The following NCOA6 variants were observed in gnomAD, a reference collection of about 807,000 sequenced individuals.
The protein encoded by NCOA6 is nuclear receptor coactivator 6.
In NCOA6, 49 loss-of-function variants were observed where a neutral mutation model predicts 171.4. The observed-to-expected ratio is 0.29, with a 90% CI of 0.23 to 0.36. The LOEUF (loss-of-function observed/expected upper bound fraction) is 0.36. NCOA6 is among the 10% of genes least tolerant of loss of function. The probability of loss-of-function intolerance (pLI) is 1.00; values close to 1 mark genes in which losing one functional copy is unlikely to be tolerated. For missense variants in NCOA6, 2,248 were observed against 2,554.5 expected (o/e 0.88, Z 2.59); for synonymous variants, 910 against 927.5 (o/e 0.98, Z 0.34).
intron 2 of NCOA6, among the ~76,000 whole-genome samples, chr20:34,789,692 G>A (rs1449281174): frequency 6.6e-6 from 1 of 152,116 alleles, no homozygotes; most frequent in Non-Finnish European, 1.5e-5. Context: ...ACAATCCCTT[G>A]AGCCTGAGGG....
At chr20:34,762,681 A>T (rs1418163953) in intron 5 of NCOA6, among the ~76,000 whole-genome samples, 1 of 152,130 alleles carries the variant, frequency 6.6e-6, no homozygotes, top group Non-Finnish European at 1.5e-5. Context: ...TAAATAAGTC[A>T]ATGCTTATTT....
intron 1 of NCOA6, among the ~76,000 whole-genome samples, chr20:34,814,000 A>G (rs2078753271): frequency 6.6e-6 from 1 of 152,172 alleles, no homozygotes; most frequent in African/African-American, 2.4e-5. Context: ...GGAAGAAAAA[A>G]GATTTATAAA....
chr20:34,801,207 C>G (rs2078243431), intron 1 of NCOA6, among the ~76,000 whole-genome samples: 1 of 151,876 alleles, frequency 6.6e-6, no homozygotes, highest in Non-Finnish European at 1.5e-5. Context: ...ACAGTGAAAG[C>G]AGGACTAAGA....
intron 1 of NCOA6, among the ~76,000 whole-genome samples, chr20:34,811,201 G>GTATGTATATATATATATA (rs1244311939): frequency 3.7e-4 from 20 of 53,836 alleles, no homozygotes; most frequent in South Asian, 1.2e-3. Flanking sequence ...ACAACAACGT[G>GTATGTATATATATATATA]TATATATATA....
intron 2 of NCOA6, among the ~76,000 whole-genome samples, chr20:34,788,958 T>A (rs1283240539): frequency 6.6e-6 from 1 of 152,064 alleles, no homozygotes. Flanking sequence ...AATAAATAAA[T>A]AAATAAATCT....
chr20:34,723,006 C>A (rs1460652679), intron 14 of NCOA6, among the ~76,000 whole-genome samples: 1 of 151,732 alleles, frequency 6.6e-6, no homozygotes, highest in Admixed American at 6.6e-5. Context: ...GACTTTGTCA[C>A]AAAACAAAAC....
Position 34,741,562 on chromosome 20 carries a change from C to T in NCOA6, c.4694G>A (p.Ser1565Asn), listed in dbSNP as rs969304188. ...TGGTGCAACGTTAGAACTGACCTCA[C>T]TCAATTCGGGATGCACAAGGGATGA... ...LCSSLVHPEL[S>N]EVSSNVAPSI... The change falls in exon 11 of 15, where the codon AGT (serine) becomes AAT (asparagine). Residue 1565 changes from serine to asparagine, a missense_variant. Physicochemically the swap from Ser to Asn is conservative, Grantham distance 46. Around this residue, in one of 7 missense-constraint regions of NCOA6, gnomAD observed 884 missense variants for 941.9 expected, o/e 0.94. Coordinates refer to ENST00000359003, the MANE Select transcript of NCOA6 (RefSeq NM_014071.5). 6.2e-7 allele frequency: 1 copy of T among 1,614,176 alleles called. No homozygotes were observed. The highest frequency in any genetic ancestry group is 1.1e-5 in the South Asian group (1 of 91,082).
chr20:34,719,392 T>TA (rs1989016265), intron 14 of NCOA6, among the ~76,000 whole-genome samples: 1 of 152,026 alleles, frequency 6.6e-6, no homozygotes, highest in African/African-American at 2.4e-5. Flanking sequence ...GAACTTTGAT[T>TA]AGCAGAGGTC....
intron 1 of NCOA6, among the ~76,000 whole-genome samples, chr20:34,814,557 A>C (rs950484117): frequency 2.0e-5 from 3 of 152,176 alleles, no homozygotes; most frequent in African/African-American, 4.8e-5. Flanking sequence ...TATGAAAATG[A>C]CTCAGAAGTT....
intron 12 of NCOA6, among the ~76,000 whole-genome samples, chr20:34,733,277 CA>C (rs1442916856): frequency 6.6e-6 from 1 of 152,146 alleles, no homozygotes; most frequent in Non-Finnish European, 1.5e-5. Context: ...CCATCTTTTC[CA>C]AAAGCCTTCC....
chr20:34,809,131 T>A (rs377198876), intron 1 of NCOA6, among the ~76,000 whole-genome samples: 2 of 152,234 alleles, frequency 1.3e-5, no homozygotes, highest in Admixed American at 1.3e-4. Context: ...TCCAGAATTA[T>A]GAACAAGTGA....
intron 14 of NCOA6, among the ~76,000 whole-genome samples, chr20:34,719,074 T>C (rs1263325430): frequency 6.6e-6 from 1 of 152,224 alleles, no homozygotes; most frequent in African/African-American, 2.4e-5. Context: ...GGGTCAATAA[T>C]AGTCTTTTAA....
At chr20:34,779,498 G>A (rs2146163321) in intron 3 of NCOA6, among the ~76,000 whole-genome samples, 1 of 152,054 alleles carries the variant, frequency 6.6e-6, no homozygotes, top group East Asian at 1.9e-4. Flanking sequence ...TGGGTGATGG[G>A]GTGAGACACT....
At chr20:34,735,379 C>CTCA (rs1364282702) in intron 12 of NCOA6, among the ~76,000 whole-genome samples, 1 of 152,160 alleles carries the variant, frequency 6.6e-6, no homozygotes, top group East Asian at 1.9e-4. Flanking sequence ...GAAGTAGTGG[C>CTCA]TCATGCCTGT....
At chr20:34,750,665 G>T in intron 8 of NCOA6, 146 bp from the exon 9 acceptor site, 1 of 899,048 alleles carries the variant, frequency 1.1e-6, no homozygotes, top group Non-Finnish European at 1.6e-6. Flanking sequence ...TACTTCCTGT[G>T]AGTTTTCTAA....
At chr20:34,727,731 T>C (rs543362688) in intron 13 of NCOA6, among the ~76,000 whole-genome samples, 59 of 151,360 alleles carry the variant, frequency 3.9e-4, no homozygotes, top group South Asian at 2.7e-3. Context: ...CTTTTCTTTT[T>C]TTTTTTTTTC....
chr20:34,771,416 T>A lies in NCOA6; in HGVS notation c.392-2830A>T, dbSNP rs566412317. On this transcript the variant is annotated intron_variant, in intron 4 of 14. Transcript: ENST00000359003. The stretch of plus-strand genomic sequence containing the variant: ...TTCCAAAGTGCTGGGATTACAGGTG[T>A]GAGCCACTCAGCCCAGCCAATGTAA... Among the ~76,000 whole-genome samples the A allele has an allele frequency of 2.8e-3, 431 of 152,314 alleles. 2 individuals are homozygous for A. Among genetic ancestry groups the A allele is most frequent in the Non-Finnish European group, 4.5e-3 (306 of 68,028 alleles).
In NCOA6 at chr20:34,740,623, G is replaced by A. The variant is rs776472227; in HGVS notation, c.5633C>T (p.Thr1878Ile). Reference protein sequence around the residue: ...EQLSTELDSKTPTPPAPTLLK... With the variant: ...EQLSTELDSKIPTPPAPTLLK... ...CAGAGTGGGTGCTGGGGGCGTTGGG[G>A]TTTTACTGTCCAGCTCTGTGGATAA... Residue 1878 changes from threonine to isoleucine, a missense_variant, in exon 11 of 15, where the codon ACC (threonine) becomes ATC (isoleucine). Thr to Ile is a moderately conservative substitution (Grantham distance 89). Coordinates refer to ENST00000359003, the MANE Select transcript of NCOA6 (RefSeq NM_014071.5). The A allele has an allele frequency of 5.0e-6, 8 of 1,614,202 alleles. No homozygotes were observed. Among genetic ancestry groups the A allele is most frequent in the Non-Finnish European group, 5.9e-6 (7 of 1,180,034 alleles).
chr20:34,737,117 T>C (rs1159626328), intron 11 of NCOA6, among the ~76,000 whole-genome samples: 2 of 152,090 alleles, frequency 1.3e-5, no homozygotes, highest in African/African-American at 2.4e-5. Context: ...ACCCAAACCA[T>C]AGAGGTACAA....
Sources: gnomAD v4.1 joint callset for allele counts (sites outside exome capture counted in the v4.1 genomes callset) on GRCh38, gnomAD v4.1.1 for gene constraint, gnomAD v4.1.1 regional missense constraint, MANE v1.5 for transcripts, NCBI Gene and HGNC (gene_info 2026-07-23, HGNC 2026-07-21) for gene names.